Variants in METTL9 observed in about 807,000 individuals in gnomAD.
The protein encoded by METTL9 is methyltransferase 9, His-X-His N1(pi)-histidine.
METTL9 carries 10 observed loss-of-function variants against 36.0 expected under a neutral mutation model. The observed-to-expected ratio is 0.28, with a 90% CI of 0.17 to 0.47. The LOEUF is 0.47. Among genes scored for constraint, METTL9 ranks in the 20% least tolerant of loss-of-function variants. The pLI is 0.99. For missense variants in METTL9, 246 were observed against 383.5 expected, an observed-to-expected ratio of 0.64 and a Z score of 3.00; for synonymous variants, 175 against 149.7, an observed-to-expected ratio of 1.17 and a Z score of -1.23.
At chr16:21,621,857 C>T (rs115920914) in intron 3 of METTL9, among the ~76,000 whole-genome samples, 3,817 of 151,880 alleles carry the variant, frequency 0.025, 155 homozygotes, top group African/African-American at 0.088. Context: ...TCTCCCAACC[C>T]GAGATGGCAA....
rs1966601508 is a variant in METTL9 at position 21,652,461 on chromosome 16, T to C, written c.752-2766T>C. On this transcript the variant is annotated intron_variant, in intron 4 of 4. Transcript: ENST00000358154. ...AAAATTAATCTGAAGGAGCTTAAAA[T>C]ATAAATGCATTAGGTGAAAAATAGC... The C allele has an allele frequency of 4.9e-6, 6 of 1,213,770 alleles. No individual in the cohort carries two copies. In the South Asian group the frequency reaches 6.7e-5, roughly 14 times the overall value. 75.2% of individuals were successfully genotyped at this position (1,213,770 alleles called of 1,614,324 possible).
intron 4 of METTL9, among the ~76,000 whole-genome samples, chr16:21,648,527 G>C (rs150328117): frequency 6.6e-6 from 1 of 152,344 alleles, no homozygotes; most frequent in East Asian, 1.9e-4. Flanking sequence ...GGTGTTCACA[G>C]AGCTGGGATT....
At chr16:21,618,208 A>T in intron 3 of METTL9, 134 bp downstream of exon 3, 1 of 758,960 alleles carries the variant, frequency 1.3e-6, no homozygotes, top group Non-Finnish European at 2.0e-6. Context: ...ATGTAGAGAA[A>T]TAATCTTCTG....
intron 4 of METTL9, among the ~76,000 whole-genome samples, chr16:21,649,007 T>G (rs1275115823): frequency 6.6e-6 from 1 of 152,140 alleles, no homozygotes; most frequent in East Asian, 1.9e-4. Flanking sequence ...TTTTTGTTAT[T>G]GTTTTTGGAC....
rs1458937214 is a variant in METTL9 at position 21,599,722 on chromosome 16, C to A, written c.-12C>A. The A allele has an allele frequency of 6.7e-7, 1 of 1,489,890 alleles. No homozygotes were observed. Among genetic ancestry groups the A allele is most frequent in the Admixed American group, 2.3e-5 (1 of 43,492 alleles). The allele number at this position is 1,489,890 out of a possible 1,614,324, so 92.3% of individuals were successfully genotyped here. A position where few individuals can be genotyped will look rare whatever the true frequency, so the allele number is the denominator to read the frequency against. ...CGCCGGCGGTGATCCGAGCGAGCGG[C>A]CGCGGCCCCCGATGAGACTGCTGGC... is the stretch of plus-strand genomic sequence containing the variant. On this transcript the variant is annotated 5_prime_UTR_variant, in exon 1 of 5. Coordinates refer to ENST00000358154, the MANE Select transcript of METTL9 (RefSeq NM_016025.5). The surrounding 1 kb of genome is among the most constrained non-coding windows in gnomAD (Gnocchi z 4.4).
At chr16:21,645,822 T>C (rs2141616777) in intron 4 of METTL9, among the ~76,000 whole-genome samples, 1 of 152,364 alleles carries the variant, frequency 6.6e-6, no homozygotes, top group South Asian at 2.1e-4. Context: ...TTATTTGCTA[T>C]ATGCCAGGCA....
chr16:21,609,322 A>G (rs1273789019), intron 1 of METTL9, among the ~76,000 whole-genome samples: 1 of 152,086 alleles, frequency 6.6e-6, no homozygotes, highest in Non-Finnish European at 1.5e-5. Flanking sequence ...GTTTGTCTGT[A>G]TCTGTGCCAG....
chr16:21,637,729 C>T (rs982164828), intron 4 of METTL9, among the ~76,000 whole-genome samples: 1 of 152,386 alleles, frequency 6.6e-6, no homozygotes, highest in Non-Finnish European at 1.5e-5. Flanking sequence ...AGCCCGGCTC[C>T]TGCCCGTGCC....
chr16:21,635,516 G>A (rs1432443776), intron 4 of METTL9, among the ~76,000 whole-genome samples: 1 of 152,122 alleles, frequency 6.6e-6, no homozygotes, highest in East Asian at 1.9e-4. Context: ...AGAAAGCTTG[G>A]ACATAAGGTA....
chr16:21,643,230 T>A (rs1966324802), intron 4 of METTL9: 1 of 1,126,642 alleles, frequency 8.9e-7, no homozygotes, highest in African/African-American at 1.5e-5. Context: ...TCAGAACTTT[T>A]CTTGCTCTAT....
At chr16:21,650,315 T>C (rs923739001) in intron 4 of METTL9, among the ~76,000 whole-genome samples, 2 of 152,072 alleles carry the variant, frequency 1.3e-5, no homozygotes, top group African/African-American at 4.8e-5. Context: ...GAGACTAGCC[T>C]GGCCAACATG....
chr16:21,619,117 C>G (rs1409049538), intron 3 of METTL9, among the ~76,000 whole-genome samples: 1 of 152,166 alleles, frequency 6.6e-6, no homozygotes, highest in Non-Finnish European at 1.5e-5. Flanking sequence ...GTGAATAATG[C>G]TGCTATGAAC....
At position 21,599,857 on chromosome 16, in the gene METTL9, G is replaced by T; in HGVS notation, c.124G>T (p.Gly42Trp). Residue 42 changes from glycine to tryptophan, a missense_variant, in exon 1 of 5, where the codon GGG (glycine) becomes TGG (tryptophan). Gly to Trp is a radical substitution (Grantham distance 184). Transcript: ENST00000358154. This position sits in a 1 kb window ranked among gnomAD's most constrained non-coding sequence, Gnocchi z 4.4. The part of the protein sequence containing the change: ...LYVNMTSGPG[G>W]PAAAAGGRKE... ...CGTGAACATGACTAGCGGCCCGGGT[G>T]GGCCGGCGGCGGCCGCGGGCGGCAG... The T allele has an allele frequency of 6.7e-7, 1 of 1,502,776 alleles. No homozygotes were observed. The allele number at this position is 1,502,776 out of a possible 1,614,324, so 93.1% of individuals were successfully genotyped here.
intron 4 of METTL9, chr16:21,643,603 CAAG>C (rs1211902250): frequency 6.2e-7 from 1 of 1,600,722 alleles, no homozygotes; most frequent in Non-Finnish European, 8.5e-7. Flanking sequence ...TTTTGACTGC[CAAG>C]AAGAGAAGGA....
At chr16:21,631,404 T>C (rs563210806) in intron 4 of METTL9, among the ~76,000 whole-genome samples, 6 of 152,360 alleles carry the variant, frequency 3.9e-5, no homozygotes, top group Non-Finnish European at 8.8e-5. Flanking sequence ...AGACCTCGTT[T>C]AGTGTATATT....
At chr16:21,650,798 G>C (rs910736498) in intron 4 of METTL9, among the ~76,000 whole-genome samples, 1 of 152,156 alleles carries the variant, frequency 6.6e-6, no homozygotes, top group African/African-American at 2.4e-5. Context: ...ACCACAGCCT[G>C]CTTCTGTGAA....
chr16:21,646,064 C>A (rs1363395419), intron 4 of METTL9, among the ~76,000 whole-genome samples: 1 of 152,172 alleles, frequency 6.6e-6, no homozygotes, highest in East Asian at 1.9e-4. Flanking sequence ...TACCAGGGTC[C>A]TTCCTAAGGG....
At chr16:21,619,438 T>A (rs1205146417) in intron 3 of METTL9, among the ~76,000 whole-genome samples, 1 of 151,898 alleles carries the variant, frequency 6.6e-6, no homozygotes, top group Non-Finnish European at 1.5e-5. Context: ...TTTTTTTTTT[T>A]TCTGGAGATG....
intron 4 of METTL9, among the ~76,000 whole-genome samples, chr16:21,629,725 A>T (rs1965901537): frequency 1.3e-5 from 2 of 152,146 alleles, no homozygotes; most frequent in African/African-American, 4.8e-5. Context: ...CTCAGCATGG[A>T]TGGGGACCCA....
Sources: allele counts gnomAD v4.1 joint callset (sites outside exome capture counted in the v4.1 genomes callset), GRCh38; gene constraint gnomAD v4.1.1; non-coding constraint Gnocchi (gnomAD v3.1); transcripts MANE v1.5; gene names NCBI Gene and HGNC (gene_info 2026-07-23, HGNC 2026-07-21).